SLC26A6: variants seen among roughly 807,000 people sequenced by gnomAD.
The protein encoded by SLC26A6 is solute carrier family 26 member 6.
In SLC26A6, 67 loss-of-function variants were observed where a neutral mutation model predicts 87.1. That is an observed-to-expected ratio of 0.77 (90% CI 0.63 to 0.94). The LOEUF (loss-of-function observed/expected upper bound fraction) is 0.94. Ranked by LOEUF, SLC26A6 falls within the 40% of genes least tolerant of loss-of-function variation. The pLI is 0.00. For synonymous variants in SLC26A6, 414 were observed against 405.9 expected (o/e 1.02, Z -0.24); for missense variants, 902 against 973.0 (o/e 0.93, Z 0.97).
intron 7 of SLC26A6, 109 bp downstream of exon 7, chr3:48,631,540 C>T: frequency 7.0e-7 from 1 of 1,426,274 alleles, no homozygotes; most frequent in Non-Finnish European, 9.4e-7. Flanking sequence ...ACCCAAGAAC[C>T]CTCCCAGCCC....
At chr3:48,635,298 G>C (rs1373488035) in intron 1 of SLC26A6, 73 bp downstream of exon 1, 5 of 1,516,404 alleles carry the variant, frequency 3.3e-6, no homozygotes, top group Non-Finnish European at 4.5e-6. Flanking sequence ...CTCCAGCGAG[G>C]CGTCGCAAGC....
chr3:48,631,361 C>A (rs1047328505), intron 7 of SLC26A6, 55 bp from the exon 8 acceptor site: 2 of 1,478,148 alleles, frequency 1.4e-6, no homozygotes, highest in African/African-American at 1.4e-5. Context: ...GTCAGGGGGA[C>A]ACATAAACCA....
Position 48,630,277 on chromosome 3 carries a change from C to T in SLC26A6, c.1327-120G>A, listed in dbSNP as rs543364044. On this transcript the variant is annotated intron_variant, in intron 11 of 20. Transcript: ENST00000395550. ...AGGCAGTACCCCAGACACAAACCCC[C>T]ACCCAGCCCCTGACCCTTGTCTCCA... The T allele has an allele frequency of 3.0e-6, 4 of 1,320,346 alleles. No individual in the cohort carries two copies. In the Admixed American group the frequency reaches 6.1e-5, roughly 20 times the overall value. The allele number at this position is 1,320,346 out of a possible 1,614,324, so 81.8% of individuals were successfully genotyped here. A position where few individuals can be genotyped will look rare whatever the true frequency, so the allele number is the denominator to read the frequency against.
chr3:48,626,628 C>T lies in SLC26A6; in HGVS notation c.2128+3G>A. The T allele has an allele frequency of 6.2e-7, 1 of 1,614,200 alleles. No individual in the cohort carries two copies. Among genetic ancestry groups the T allele is most frequent in the Non-Finnish European group, 8.5e-7 (1 of 1,180,038 alleles). On this transcript the variant is annotated splice_donor_region_variant and intron_variant, in intron 19 of 20. Transcript: ENST00000395550. ...TCCCTCCTGCTGTTCCCACCCTACT[C>T]ACTGTGGCAGGCCGCCATGTACACC...
chr3:48,632,655 GAC>G, intron 4 of SLC26A6: 1 of 694,218 alleles, frequency 1.4e-6, no homozygotes, highest in Non-Finnish European at 2.6e-6. Context: ...CTGGTCCCGG[GAC>G]ACAGAGGCTC....
Position 48,626,274 on chromosome 3 carries a change from C to T in SLC26A6, c.2209G>A (p.Asp737Asn), listed in dbSNP as rs766462608. Reference protein sequence around the residue: ...TKKHLFASVHDAVTFALQHPR... With the variant: ...TKKHLFASVHNAVTFALQHPR... ...TGTTGGAGGGCAAAGGTGACAGCAT[C>T]ATGGACAGAGGCAAAGAGATGCTTC... Residue 737 changes from aspartate to asparagine, a missense_variant, in exon 20 of 21, where the codon GAT becomes AAT. Coordinates refer to ENST00000395550, the MANE Select transcript of SLC26A6 (RefSeq NM_022911.3). 1.2e-6 allele frequency: 2 copies of T among 1,614,036 alleles called. No individual in the cohort carries two copies. The highest frequency in any genetic ancestry group is 3.3e-5 in the Admixed American group (2 of 60,014).
intron 14 of SLC26A6, 38 bp downstream of exon 14, chr3:48,629,604 C>G: frequency 6.4e-7 from 1 of 1,569,920 alleles, no homozygotes; most frequent in Non-Finnish European, 8.6e-7. Context: ...TCCTCCGTCT[C>G]CCCATCCACA....
intron 11 of SLC26A6, 70 bp downstream of exon 11, chr3:48,630,368 G>A: frequency 6.7e-7 from 1 of 1,497,648 alleles, no homozygotes; most frequent in Admixed American, 2.0e-5. Flanking sequence ...CCCCTCGCCT[G>A]AACCTAGACT....
intron 9 of SLC26A6, 111 bp downstream of exon 9, chr3:48,630,882 C>G: frequency 6.5e-7 from 1 of 1,549,202 alleles, no homozygotes; most frequent in Non-Finnish European, 8.8e-7. Flanking sequence ...CAGTCCCCCA[C>G]GTGGCCTCAG....
At chr3:48,635,116 G>A (rs2106682727) in intron 1 of SLC26A6, among the ~76,000 whole-genome samples, 1 of 152,354 alleles carries the variant, frequency 6.6e-6, no homozygotes. Flanking sequence ...TCCGCACGCA[G>A]CTGCCTCCCT....
In SLC26A6 at chr3:48,627,108, C is replaced by T. The variant is rs768388886; in HGVS notation, c.1894-53G>A. On this transcript the variant is annotated intron_variant, in intron 17 of 20. Transcript: ENST00000395550. ...CACCCATGAGAGAGTGAAGGCAGGA[C>T]TGGCCGCACACAGACACGCGAGAAC... 2.5e-6 allele frequency: 4 copies of T among 1,580,824 alleles called. No homozygotes were observed. In the East Asian group the frequency reaches 6.7e-5, roughly 27 times the overall value.
In SLC26A6 at chr3:48,628,142, G is replaced by T; in HGVS notation, c.1801-104C>A. ...CCCCTGGTGCTGGGCAGGTGGGTGG[G>T]CCAGGACCAGAAGCTGTGGGACCTG... On this transcript the variant is annotated intron_variant, in intron 16 of 20. Transcript: ENST00000395550. The surrounding 1 kb of genome is among the most constrained non-coding windows in gnomAD (Gnocchi z 4.4). 9.0e-7 allele frequency: 1 copy of T among 1,114,954 alleles called. No homozygotes were observed. The allele number at this position is 1,114,954 out of a possible 1,614,324, so 69.1% of individuals were successfully genotyped here.
At position 48,627,864 on chromosome 3, in the gene SLC26A6, C is replaced by G. The variant is rs2046669148; in HGVS notation, c.1893+82G>C. On this transcript the variant is annotated intron_variant, in intron 17 of 20. Coordinates refer to ENST00000395550, the MANE Select transcript of SLC26A6 (RefSeq NM_022911.3). Reference sequence around the variant, plus strand: ...ACCCTCGAGCCCACAGCTGCTGGGTCCATGGCATTCCTCATGAGACATGTG... The same window carrying G: ...ACCCTCGAGCCCACAGCTGCTGGGTGCATGGCATTCCTCATGAGACATGTG... The G allele has an allele frequency of 4.4e-6, 6 of 1,356,816 alleles. No individual in the cohort carries two copies. The Admixed American group carries it at 1.5e-4, about 33-fold the overall frequency. The allele number at this position is 1,356,816 out of a possible 1,614,324, so 84.0% of individuals were successfully genotyped here.
At position 48,632,828 on chromosome 3, in the gene SLC26A6, G is replaced by A. The variant is rs1411704157; in HGVS notation, c.433+146C>T. 5 of 806,318 alleles carry A rather than the reference G, an allele frequency of 6.2e-6. No individual in the cohort carries two copies. In the East Asian group the frequency reaches 1.1e-4, roughly 17 times the overall value. 49.9% of individuals were successfully genotyped at this position (806,318 alleles called of 1,614,324 possible). A position where few individuals can be genotyped will look rare whatever the true frequency, so the allele number is the denominator to read the frequency against. On this transcript the variant is annotated intron_variant, in intron 4 of 20. Coordinates refer to ENST00000395550, the MANE Select transcript of SLC26A6 (RefSeq NM_022911.3). The stretch of plus-strand genomic sequence containing the variant: ...TACAGTCAGGGGTCTAGTCCTGCCT[G>A]GGGATGACTCGTGGGCTAGCCCAGG...
In SLC26A6 at chr3:48,628,740, G is replaced by A. The variant is rs773166663; in HGVS notation, c.1600-26C>T. The A allele has an allele frequency of 2.5e-6, 4 of 1,608,118 alleles. No homozygotes were observed. Among genetic ancestry groups the A allele is most frequent in the East Asian group, 4.5e-5 (2 of 44,666 alleles). ...CTGGGGATGAGGCAGAACTGGTGGT[G>A]GCTGAATCTCCTCTCTCCTGGCTGC... is the stretch of plus-strand genomic sequence containing the variant. On this transcript the variant is annotated intron_variant, in intron 14 of 20. Coordinates refer to ENST00000395550, the MANE Select transcript of SLC26A6 (RefSeq NM_022911.3). The surrounding 1 kb of genome is among the most constrained non-coding windows in gnomAD (Gnocchi z 4.4).
rs768584325 is a variant in SLC26A6 at position 48,632,053 on chromosome 3, C to T, written c.586-9G>A. On this transcript the variant is annotated splice_polypyrimidine_tract_variant and intron_variant, in intron 5 of 20. Transcript: ENST00000395550. Reference sequence around the variant, plus strand: ...ATCAGGCCCAGCCCCACCTGTGGGGCGGCCAGGGGCAGTCAGGAGAGGCAG... The same window carrying T: ...ATCAGGCCCAGCCCCACCTGTGGGGTGGCCAGGGGCAGTCAGGAGAGGCAG... 1.1e-5 allele frequency: 17 copies of T among 1,612,520 alleles called. No homozygotes were observed. Among genetic ancestry groups the T allele is most frequent in the Admixed American group, 3.3e-5 (2 of 59,984 alleles).
chr3:48,628,377 G>A lies in SLC26A6; in HGVS notation c.1800+57C>T, dbSNP rs770962407. 6.2e-7 allele frequency: 1 copy of A among 1,606,838 alleles called. No individual in the cohort carries two copies. The highest frequency in any genetic ancestry group is 8.5e-7 in the Non-Finnish European group (1 of 1,176,200). On this transcript the variant is annotated intron_variant, in intron 16 of 20. Transcript: ENST00000395550. This position sits in a 1 kb window ranked among gnomAD's most constrained non-coding sequence, Gnocchi z 4.4. ...GGAGGAGTCGGGGGCCAGGAGAAAGGCTGGGGCAGGGAACAGGGGGCAGGA... is the reference window on the plus strand; with the variant it reads ...GGAGGAGTCGGGGGCCAGGAGAAAGACTGGGGCAGGGAACAGGGGGCAGGA...
At chr3:48,632,678 A>C (rs1171859638) in intron 4 of SLC26A6, 2 of 686,324 alleles carry the variant, frequency 2.9e-6, no homozygotes, top group Admixed American at 4.1e-5. Flanking sequence ...TCTGTGGAGT[A>C]GGGAAGGGGT....
In SLC26A6 at chr3:48,630,589, C is replaced by T. The variant is rs530555893; in HGVS notation, c.1248+18G>A. 609 of 1,566,730 alleles carry T rather than the reference C, an allele frequency of 3.9e-4. 5 individuals carry two copies. The South Asian group carries it at 5.4e-3, about 14-fold the overall frequency. On this transcript the variant is annotated intron_variant, in intron 10 of 20. Transcript: ENST00000395550. ...AGCAATGTGCATGCCCACACCCATG[C>T]CCACACCCAAAGCCCACCTGCGAGT...
Sources: allele counts gnomAD v4.1 joint callset (sites outside exome capture counted in the v4.1 genomes callset), GRCh38; gene constraint gnomAD v4.1.1; non-coding constraint Gnocchi (gnomAD v3.1); transcripts MANE v1.5; gene names NCBI Gene and HGNC (gene_info 2026-07-23, HGNC 2026-07-21).